Variants in ARHGEF17 observed in about 807,000 individuals in gnomAD.
ARHGEF17 encodes the protein 164 kDa Rho-specific guanine-nucleotide exchange factor.
ARHGEF17 carries 80 observed loss-of-function variants against 174.0 expected under a neutral mutation model. That is an observed-to-expected ratio of 0.46 (90% CI 0.38 to 0.55). The LOEUF is 0.55. ARHGEF17 is among the 20% of genes least tolerant of loss of function. The pLI is 0.00. For synonymous variants in ARHGEF17, 1,311 were observed against 1,189.1 expected (o/e 1.10, Z -2.11); for missense variants, 2,886 against 2,839.7 (o/e 1.02, Z -0.37).
Position 73,311,850 on chromosome 11 carries a change from C to T in ARHGEF17, c.3192+20C>T, listed in dbSNP as rs780923832. The T allele has an allele frequency of 5.7e-6, 9 of 1,573,770 alleles. No homozygotes were observed. The highest frequency in any genetic ancestry group is 3.6e-5 in the Admixed American group (2 of 56,302). On this transcript the variant is annotated intron_variant, in intron 1 of 20. Transcript: ENST00000263674. ...CAGGTGGTGAGTCCTTTGTAGGGGC[C>T]TTCAGATTGGGGCCAAAGAAGGGCC...
chr11:73,368,189 T>A lies in ARHGEF17; in HGVS notation c.*409T>A, dbSNP rs1865874753. ...CAGTATTTATGTTTCTTTTTAGATG[T>A]GTACCTTCCCAAGCACTTATTTATG... On this transcript the variant is annotated 3_prime_UTR_variant, in exon 21 of 21. Coordinates refer to ENST00000263674, the MANE Select transcript of ARHGEF17 (RefSeq NM_014786.4). The A allele has an allele frequency of 6.1e-6, 1 of 163,736 alleles. No individual in the cohort carries two copies. Among genetic ancestry groups the A allele is most frequent in the Non-Finnish European group, 1.3e-5 (1 of 75,436 alleles). The allele number at this position is 163,736 out of a possible 1,614,324, so 10.1% of individuals were successfully genotyped here. A position where few individuals can be genotyped will look rare whatever the true frequency, so the allele number is the denominator to read the frequency against.
At position 73,310,222 on chromosome 11, in the gene ARHGEF17, T is replaced by C. The variant is rs553216026; in HGVS notation, c.1584T>C (p.Pro528=). The change falls in exon 1 of 21, where the codon CCT becomes CCC. Residue 528 remains proline, a synonymous_variant. Transcript: ENST00000263674. Reference sequence around the variant, plus strand: ...TACCCATCCCAGCCCCAGCATCACCTGGCACGCGCCCCACACTCAAGGACT... The same window carrying C: ...TACCCATCCCAGCCCCAGCATCACCCGGCACGCGCCCCACACTCAAGGACT... ...EPIPIPAPAS[P]GTRPTLKDLT... 1 of 1,613,972 alleles carries C rather than the reference T, an allele frequency of 6.2e-7. No homozygotes were observed. The highest frequency in any genetic ancestry group is 1.7e-5 in the Admixed American group (1 of 60,022).
rs771694895 is a variant in ARHGEF17, at chr11:73,309,994, G to A, written c.1356G>A (p.Glu452=). The A allele has an allele frequency of 7.4e-6, 12 of 1,614,076 alleles. No individual in the cohort carries two copies. Among genetic ancestry groups the A allele is most frequent in the Non-Finnish European group, 9.3e-6 (11 of 1,180,016 alleles). ...GGGCATTGAGGGATGGAGGATTTGA[G>A]CCTGAAAAGAGTCGACAGCGGAAGT... ...TSRALRDGGF[E]PEKSRQRKSL... Residue 452 remains glutamate, a synonymous_variant, in exon 1 of 21, where the codon GAG becomes GAA. Transcript: ENST00000263674.
At chr11:73,354,256 A>G (rs1015063369) in intron 3 of ARHGEF17, among the ~76,000 whole-genome samples, 8 of 152,120 alleles carry the variant, frequency 5.3e-5, no homozygotes, top group Non-Finnish European at 1.2e-4. Context: ...CCCTGCCTGG[A>G]CCTTGATGCT....
At position 73,352,976 on chromosome 11, in the gene ARHGEF17, T is replaced by C; in HGVS notation, c.3417T>C (p.His1139=). ...EQVRHCMQTW[H]AQQKVGALLV... Reference sequence around the variant, plus strand: ...TTCGGCACTGCATGCAGACCTGGCATGCCCAGCAGAAGGTGGGAGCCCTGC... The same window carrying C: ...TTCGGCACTGCATGCAGACCTGGCACGCCCAGCAGAAGGTGGGAGCCCTGC... Residue 1139 remains histidine (H), a synonymous_variant, in exon 3 of 21, where the codon CAT becomes CAC. Transcript: ENST00000263674. 1.2e-6 allele frequency: 2 copies of C among 1,614,050 alleles called. No individual in the cohort carries two copies. Among genetic ancestry groups the C allele is most frequent in the Non-Finnish European group, 1.7e-6 (2 of 1,180,032 alleles).
chr11:73,353,659 G>GT (rs372249854), intron 3 of ARHGEF17, among the ~76,000 whole-genome samples: 24 of 152,094 alleles, frequency 1.6e-4, no homozygotes, highest in African/African-American at 5.6e-4. Context: ...AGAAAGCCTG[G>GT]TTCCAGTGCC....
chr11:73,355,502 G>A (rs1243141236), intron 3 of ARHGEF17, 31 bp from the exon 4 acceptor site: 1 of 1,519,750 alleles, frequency 6.6e-7, no homozygotes, highest in East Asian at 2.3e-5. Flanking sequence ...GGGACACCTT[G>A]AGGGTCCCCA....
At chr11:73,355,393 C>T (rs994054623) in intron 3 of ARHGEF17, 140 bp from the exon 4 acceptor site, 2 of 645,216 alleles carry the variant, frequency 3.1e-6, no homozygotes, top group East Asian at 5.3e-5. Flanking sequence ...AGCCACAGGA[C>T]ATGTGCCTGA....
Position 73,356,254 on chromosome 11 carries a change from C to T in ARHGEF17, c.3743C>T (p.Ala1248Val). The T allele has an allele frequency of 6.2e-7, 1 of 1,613,896 alleles. No homozygotes were observed. Among genetic ancestry groups the T allele is most frequent in the East Asian group, 2.2e-5 (1 of 44,880 alleles). ...LEAQRNIKQV[A>V]ERINKGVRSA... ...GCGCAGCGGAACATCAAGCAGGTGG[C>T]TGAGCGCATCAACAAGGGTGTGCGG... The change falls in exon 6 of 21, where the codon GCT becomes GTT. Residue 1248 changes from alanine to valine, a missense_variant. Ala to Val is a moderately conservative substitution (Grantham distance 64). Coordinates refer to ENST00000263674, the MANE Select transcript of ARHGEF17 (RefSeq NM_014786.4).
chr11:73,344,059 C>G (rs1329961214), intron 1 of ARHGEF17, among the ~76,000 whole-genome samples: 1 of 152,270 alleles, frequency 6.6e-6, no homozygotes, highest in East Asian at 1.9e-4. Flanking sequence ...CAGGAGTGGC[C>G]CCCTCTGTCT....
At chr11:73,347,197 C>T (rs1591748709) in intron 2 of ARHGEF17, 1 of 605,360 alleles carries the variant, frequency 1.7e-6, no homozygotes, top group Non-Finnish European at 3.0e-6. Flanking sequence ...GGCGTCCCTA[C>T]CCTGCTGTTC....
Position 73,309,795 on chromosome 11 carries a change from G to A in ARHGEF17, c.1157G>A (p.Gly386Asp), listed in dbSNP as rs767867721. 29 of 1,612,876 alleles carry A rather than the reference G, an allele frequency of 1.8e-5. No homozygotes were observed. The highest frequency in any genetic ancestry group is 2.3e-5 in the Non-Finnish European group (27 of 1,180,010). The stretch of plus-strand genomic sequence containing the variant: ...CCCTCGTACCTGGCCAGCCCCGCAG[G>A]CTCCCGCGGTAGCAGCCGTTATTCC... ...SFPSYLASPAGSRGSSRYSST... is the reference protein window; with the variant it reads ...SFPSYLASPADSRGSSRYSST... Residue 386 changes from glycine to aspartate, a missense_variant, in exon 1 of 21, where the codon GGC becomes GAC. By Grantham distance (94) the Gly-to-Asp change is moderately conservative (BLOSUM62 -1). This residue lies in a region of ARHGEF17 where 1,728 missense variants were observed against 1,461.2 expected (regional missense o/e 1.18). Transcript: ENST00000263674.
intron 6 of ARHGEF17, 53 bp downstream of exon 6, chr11:73,356,404 C>A: frequency 7.9e-7 from 1 of 1,264,020 alleles, no homozygotes; most frequent in Non-Finnish European, 1.0e-6. Context: ...ACATCTGTGT[C>A]CACTCGGCCT....
In ARHGEF17 at chr11:73,310,142, C is replaced by T. The variant is rs749464983; in HGVS notation, c.1504C>T (p.Leu502=). The T allele has an allele frequency of 5.0e-6, 8 of 1,613,990 alleles. No individual in the cohort carries two copies. The South Asian group carries it at 6.6e-5, about 13-fold the overall frequency. Residue 502 remains leucine (L), a synonymous_variant, in exon 1 of 21, where the codon CTA becomes TTA. Transcript: ENST00000263674. ...CTCCGGGGACCGTGGAAGCAACCCC[C>T]TAGATGGCAGAGACTCACCATCCGC... The part of the protein sequence containing the change: ...GSSGDRGSNP[L]DGRDSPSAGG...
At chr11:73,367,261 G>A (rs991132244) in intron 20 of ARHGEF17, among the ~76,000 whole-genome samples, 1 of 152,174 alleles carries the variant, frequency 6.6e-6, no homozygotes, top group African/African-American at 2.4e-5. Context: ...ATGCAAGGAC[G>A]TTGCGTGCAG....
intron 1 of ARHGEF17, among the ~76,000 whole-genome samples, chr11:73,326,210 G>T (rs559598113): frequency 1.6e-4 from 24 of 152,308 alleles, no homozygotes; most frequent in African/African-American, 5.3e-4. Flanking sequence ...GGCTAACTTA[G>T]GGCAGTGGCT....
Position 73,346,871 on chromosome 11 carries a change from C to T in ARHGEF17, c.3193-12C>T. 4.1e-6 allele frequency: 6 copies of T among 1,471,704 alleles called. No individual in the cohort carries two copies. The highest frequency in any genetic ancestry group is 5.4e-6 in the Non-Finnish European group (6 of 1,107,508). The allele number at this position is 1,471,704 out of a possible 1,614,324, so 91.2% of individuals were successfully genotyped here. Reference sequence around the variant, plus strand: ...AAAGACCCCTGTTCACCCTCTGCTCCTGTCCCCACAGGACATGCGGAAGCA... The same window carrying T: ...AAAGACCCCTGTTCACCCTCTGCTCTTGTCCCCACAGGACATGCGGAAGCA... On this transcript the variant is annotated splice_polypyrimidine_tract_variant and intron_variant, in intron 1 of 20. Coordinates refer to ENST00000263674, the MANE Select transcript of ARHGEF17 (RefSeq NM_014786.4).
rs1864806166 is a variant in ARHGEF17, at chr11:73,310,604, G to C, written c.1966G>C (p.Val656Leu). The C allele has an allele frequency of 6.2e-7, 1 of 1,614,136 alleles. No homozygotes were observed. The highest frequency in any genetic ancestry group is 8.5e-7 in the Non-Finnish European group (1 of 1,180,020). The stretch of plus-strand genomic sequence containing the variant: ...CATTGGGGCAGACCCTGAGCCTCCT[G>C]TTGCAGCATTTTGCGGCCTGGGTAC... ...EGIGADPEPP[V>L]AAFCGLGTTG... Residue 656 changes from valine to leucine, a missense_variant, in exon 1 of 21, where the codon GTT becomes CTT. Coordinates refer to ENST00000263674, the MANE Select transcript of ARHGEF17 (RefSeq NM_014786.4).
Position 73,311,128 on chromosome 11 carries a change from C to T in ARHGEF17, c.2490C>T (p.Asp830=), listed in dbSNP as rs1018736011. ...GKAPKKKSLS[D]PSRRGELAGP... ...CCCCCAAGAAGAAATCCCTGAGTGA[C>T]CCCAGCCGCCGTGGGGAGCTGGCTG... Residue 830 remains aspartate, a synonymous_variant, in exon 1 of 21, where the codon GAC becomes GAT. Transcript: ENST00000263674. 6 of 1,600,660 alleles carry T rather than the reference C, an allele frequency of 3.7e-6. No individual in the cohort carries two copies. Among genetic ancestry groups the T allele is most frequent in the African/African-American group, 1.3e-5 (1 of 74,638 alleles).
Sources: allele counts gnomAD v4.1 joint callset (sites outside exome capture counted in the v4.1 genomes callset), GRCh38; gene constraint gnomAD v4.1.1; regional missense constraint gnomAD v4.1.1; transcripts MANE v1.5; gene names NCBI Gene and HGNC (gene_info 2026-07-23, HGNC 2026-07-21).